Variants in FRMD4B observed in about 807,000 individuals in gnomAD.
The protein encoded by FRMD4B is FERM domain containing 4B, also known as FERM domain-containing protein 4B.
Under a neutral mutation model 141.5 loss-of-function variants are expected in FRMD4B, and 74 were observed. The ratio of observed to expected loss-of-function variants is 0.52; its 90% CI spans 0.43 to 0.63. FRMD4B has a LOEUF of 0.63. Among genes scored for constraint, FRMD4B ranks in the 30% least tolerant of loss-of-function variants. The pLI, the probability that FRMD4B is intolerant of heterozygous loss-of-function variation, is 0.00. For synonymous variants in FRMD4B, 506 were observed against 467.9 expected, an observed-to-expected ratio of 1.08 and a Z score of -1.05; for missense variants, 1,366 against 1,253.4, an observed-to-expected ratio of 1.09 and a Z score of -1.36.
At chr3:69,332,210 C>T (rs551289875) in intron 1 of FRMD4B, among the ~76,000 whole-genome samples, 1 of 152,318 alleles carries the variant, frequency 6.6e-6, no homozygotes, top group African/African-American at 2.4e-5. Context: ...TGTCCCTGGA[C>T]CTTGCAGAAG....
At chr3:69,522,146 C>T (rs1700863594) in intron 1 of FRMD4B, among the ~76,000 whole-genome samples, 1 of 152,064 alleles carries the variant, frequency 6.6e-6, no homozygotes, top group Admixed American at 6.6e-5. Context: ...TACCCATATA[C>T]TATCTAGTAA....
chr3:69,505,304 G>A (rs1706578240), intron 1 of FRMD4B, among the ~76,000 whole-genome samples: 2 of 152,168 alleles, frequency 1.3e-5, no homozygotes, highest in African/African-American at 4.8e-5. Context: ...CTTGAACCCA[G>A]GAGTTCGAGG....
At chr3:69,227,315 G>A (rs549124283) in intron 7 of FRMD4B, among the ~76,000 whole-genome samples, 6 of 152,170 alleles carry the variant, frequency 3.9e-5, no homozygotes, top group East Asian at 1.9e-4. Context: ...TAAAATGTGC[G>A]TTAATAGGGA....
Position 69,193,822 on chromosome 3 carries a change from C to G in FRMD4B, c.1540G>C (p.Val514Leu). 6.2e-7 allele frequency: 1 copy of G among 1,613,728 alleles called. No individual in the cohort carries two copies. Residue 514 changes from valine to leucine, a missense_variant, in exon 17 of 23, where the codon GTG becomes CTG. Physicochemically the swap from Val to Leu is conservative, Grantham distance 32 (BLOSUM62 1). Coordinates refer to ENST00000398540, the MANE Select transcript of FRMD4B (RefSeq NM_015123.3). Reference protein sequence around the residue: ...ESNFLIQQKLVEAAKKLANEP... With the variant: ...ESNFLIQQKLLEAAKKLANEP... ...TTGGCAAGTTTCTTTGCAGCTTCCA[C>G]CAGCTTTTGTTGTATTAGAAAATTA...
At chr3:69,391,364 C>T (rs1190105904) in intron 2 of FRMD4B, among the ~76,000 whole-genome samples, 8 of 151,650 alleles carry the variant, frequency 5.3e-5, no homozygotes, top group Admixed American at 1.3e-4. Context: ...TTGTCCTTTA[C>T]ATTAGGTATA....
At chr3:69,252,821 G>C (rs1159915499) in intron 5 of FRMD4B, among the ~76,000 whole-genome samples, 1 of 152,090 alleles carries the variant, frequency 6.6e-6, no homozygotes, top group Non-Finnish European at 1.5e-5. Flanking sequence ...TTGAGAGAAG[G>C]ATCTCCTCAA....
chr3:69,289,495 G>A (rs1700804103), intron 4 of FRMD4B, among the ~76,000 whole-genome samples: 1 of 152,126 alleles, frequency 6.6e-6, no homozygotes, highest in South Asian at 2.1e-4. Flanking sequence ...ACAACCTGTA[G>A]CTCAACAATG....
intron 1 of FRMD4B, among the ~76,000 whole-genome samples, chr3:69,462,980 C>A (rs1034818167): frequency 6.6e-6 from 1 of 152,234 alleles, no homozygotes; most frequent in African/African-American, 2.4e-5. Flanking sequence ...GCCCTCCCTG[C>A]TCACTCCTTC....
At chr3:69,478,751 G>A (rs1309892650) in intron 1 of FRMD4B, among the ~76,000 whole-genome samples, 2 of 152,116 alleles carry the variant, frequency 1.3e-5, no homozygotes, top group Admixed American at 1.3e-4. Flanking sequence ...TTCAATTCCT[G>A]GGTATCCTTG....
intron 1 of FRMD4B, among the ~76,000 whole-genome samples, chr3:69,537,141 T>C (rs1398417543): frequency 6.6e-6 from 1 of 152,178 alleles, no homozygotes; most frequent in Non-Finnish European, 1.5e-5. Context: ...GGCCACATAA[T>C]TTATCGTCCA....
chr3:69,190,321 T>C (rs2092822073), intron 17 of FRMD4B, among the ~76,000 whole-genome samples: 1 of 152,152 alleles, frequency 6.6e-6, no homozygotes, highest in South Asian at 2.1e-4. Flanking sequence ...AAATGCTAAA[T>C]GTTAAATAAA....
chr3:69,201,040 A>T, intron 11 of FRMD4B: 1 of 276,988 alleles, frequency 3.6e-6, no homozygotes, highest in South Asian at 3.4e-5. Flanking sequence ...CAAAAACTCT[A>T]CTTAAAAGGC....
Position 69,524,131 on chromosome 3 carries a change from TAA to T in FRMD4B, c.-129+18073_-129+18074del, listed in dbSNP as rs1220199307. Among the ~76,000 whole-genome samples, 18 of 152,318 alleles carry T rather than the reference TAA, an allele frequency of 1.2e-4. 1 individual carries two copies. The highest frequency in any genetic ancestry group is 7.4e-5 in the Non-Finnish European group (5 of 68,022). On this transcript the variant is annotated intron_variant, in intron 1 of 5. Coordinates refer to the FRMD4B transcript ENST00000459638. ...TTCTAGGCCTCAGAGATAACAAATG[TAA>T]AGTTTCTAATCCTGCCTGACTTGGT...
chr3:69,321,717 T>A (rs550266708), intron 1 of FRMD4B, among the ~76,000 whole-genome samples: 1 of 39,244 alleles, frequency 2.5e-5, no homozygotes, highest in African/African-American at 8.0e-5. Flanking sequence ...CATTCACAAA[T>A]GATTTTTTTT....
chr3:69,180,820 T>C, intron 21 of FRMD4B, 79 bp downstream of exon 21: 2 of 962,584 alleles, frequency 2.1e-6, no homozygotes, highest in Non-Finnish European at 3.2e-6. Flanking sequence ...GGTCTCATGA[T>C]CCGTGAGGCG....
chr3:69,495,288 G>C (rs978087737), intron 1 of FRMD4B, among the ~76,000 whole-genome samples: 6 of 152,300 alleles, frequency 3.9e-5, no homozygotes, highest in South Asian at 4.1e-4. Flanking sequence ...TTCATTTCCA[G>C]AACAGAAGAA....
At chr3:69,456,105 A>G (rs1705606278) in intron 1 of FRMD4B, among the ~76,000 whole-genome samples, 1 of 152,184 alleles carries the variant, frequency 6.6e-6, no homozygotes, top group South Asian at 2.1e-4. Context: ...TCCATCACTT[A>G]TATAGGGATT....
In FRMD4B at chr3:69,409,223, C is replaced by T. The variant is rs574016923; in HGVS notation, c.-1+23411G>A. Among the ~76,000 whole-genome samples the T allele has an allele frequency of 5.3e-5, 8 of 152,250 alleles. No homozygotes were observed. In the East Asian group the frequency reaches 9.7e-4, roughly 18 times the overall value. ...AAGGGAAGAAGGCAGAGGTTACTAG[C>T]GGATTCCGGCTCAGTCTTTACCCTA... On this transcript the variant is annotated intron_variant, in intron 2 of 5. Coordinates refer to the FRMD4B transcript ENST00000459638.
chr3:69,302,320 T>C, intron 4 of FRMD4B, 23 bp downstream of exon 4: 2 of 1,301,728 alleles, frequency 1.5e-6, no homozygotes, highest in Admixed American at 3.5e-5. Context: ...AGAGGGATGC[T>C]AACTGGGTCT....
Sources: gnomAD v4.1 joint callset for allele counts (sites outside exome capture counted in the v4.1 genomes callset) on GRCh38, gnomAD v4.1.1 for gene constraint, MANE v1.5 for transcripts, NCBI Gene and HGNC (gene_info 2026-07-23, HGNC 2026-07-21) for gene names.